The following TUSC3 variants were observed in gnomAD, a reference collection of about 807,000 sequenced individuals.
The protein encoded by TUSC3 is dolichyl-diphosphooligosaccharide--protein glycosyltransferase subunit TUSC3.
In TUSC3, 45 loss-of-function variants were observed where a neutral mutation model predicts 44.8. The ratio of observed to expected loss-of-function variants is 1.00; its 90% confidence interval spans 0.79 to 1.29. TUSC3 has a LOEUF of 1.29. TUSC3 is among the 50% of genes most tolerant of loss of function. The pLI is 0.00. For missense variants in TUSC3, 519 were observed against 437.9 expected, an observed-to-expected ratio of 1.19 and a Z score of -1.65; for synonymous variants, 212 against 152.9, an observed-to-expected ratio of 1.39 and a Z score of -2.85.
chr8:15,512,480 A>G (rs1801150392), intron 2 of TUSC3, among the ~76,000 whole-genome samples: 1 of 152,062 alleles, frequency 6.6e-6, no homozygotes, highest in Admixed American at 6.5e-5. Context: ...TTTAACAATA[A>G]ATGTTTCTCT....
rs537479507 is a variant in TUSC3 at position 15,691,714 on chromosome 8, A to G, written c.798+17878A>G. Among the ~76,000 whole-genome samples the G allele has an allele frequency of 6.6e-5, 10 of 152,280 alleles. No individual in the cohort carries two copies. In the East Asian group the frequency reaches 1.7e-3, roughly 26 times the overall value. ...GTCTAGTTTGTTGAGGGTTTTTAAC[A>G]TGAAGGAATATTGAATTTTTTTTTG... On this transcript the variant is annotated intron_variant, in intron 6 of 10. Coordinates refer to ENST00000503731, the MANE Select transcript of TUSC3 (RefSeq NM_006765.4).
intron 1 of TUSC3, among the ~76,000 whole-genome samples, chr8:15,546,973 C>T (rs1801891627): frequency 6.6e-6 from 1 of 151,556 alleles, no homozygotes; most frequent in South Asian, 2.1e-4. Context: ...GATTTGAAAT[C>T]TGTTATAAAA....
chr8:15,604,752 G>C (rs1804445573), intron 1 of TUSC3, among the ~76,000 whole-genome samples: 1 of 151,800 alleles, frequency 6.6e-6, no homozygotes, highest in African/African-American at 2.4e-5. Flanking sequence ...TTAACTCTCT[G>C]AATATGGTTA....
intron 2 of TUSC3, among the ~76,000 whole-genome samples, chr8:15,512,870 G>GTATATATATA (rs371387088): frequency 0.022 from 2,265 of 101,078 alleles, 92 homozygotes; most frequent in African/African-American, 0.076. Context: ...ATATATGTGT[G>GTATATATATA]TGTATATATA....
intron 1 of TUSC3, among the ~76,000 whole-genome samples, chr8:15,584,737 C>T (rs934800362): frequency 3.3e-5 from 5 of 151,836 alleles, no homozygotes; most frequent in Non-Finnish European, 5.9e-5. Context: ...ATGGAAAATC[C>T]CAGGTAGTGA....
the TUSC3 span, among the ~76,000 whole-genome samples, chr8:15,814,701 T>G: frequency 5.9e-5 from 9 of 152,310 alleles, 1 homozygote; most frequent in East Asian, 7.7e-4. Context: ...GTTTTTCTTT[T>G]GCGCAAATGA....
the TUSC3 span, among the ~76,000 whole-genome samples, chr8:15,797,147 C>T: frequency 6.6e-6 from 1 of 152,160 alleles, no homozygotes; most frequent in Non-Finnish European, 1.5e-5. Context: ...ACTGGTCACT[C>T]AAGATGGAGT....
intron 1 of TUSC3, among the ~76,000 whole-genome samples, chr8:15,460,744 T>C (rs1800334460): frequency 6.6e-6 from 1 of 152,176 alleles, no homozygotes; most frequent in African/African-American, 2.4e-5. Context: ...TTCTCCTACA[T>C]GTGGTTAGAC....
At chr8:15,687,947 A>C (rs34747263) in intron 6 of TUSC3, among the ~76,000 whole-genome samples, 31,877 of 152,134 alleles carry the variant, frequency 0.21, 4,256 homozygotes, top group Non-Finnish European at 0.3. Context: ...TAATATGTCA[A>C]ACTTCATCTA....
intron 2 of TUSC3, among the ~76,000 whole-genome samples, chr8:15,646,970 C>G (rs561547964): frequency 1.6e-3 from 245 of 152,036 alleles, no homozygotes; most frequent in African/African-American, 5.8e-3. Context: ...TGTTCATTAC[C>G]TATGGCTGAT....
intron 1 of TUSC3, among the ~76,000 whole-genome samples, chr8:15,617,947 G>A (rs1467776167): frequency 6.6e-6 from 1 of 152,114 alleles, no homozygotes; most frequent in Non-Finnish European, 1.5e-5. Context: ...AGCTCCTAGG[G>A]TACAAAGCTG....
intron 1 of TUSC3, among the ~76,000 whole-genome samples, chr8:15,563,771 C>T (rs1802568012): frequency 6.7e-6 from 1 of 149,834 alleles, no homozygotes; most frequent in Non-Finnish European, 1.5e-5. Flanking sequence ...GCTCATAGTT[C>T]TTAAATTGCA....
At chr8:15,752,238 T>A (rs879668420) in intron 9 of TUSC3, among the ~76,000 whole-genome samples, 6 of 152,012 alleles carry the variant, frequency 3.9e-5, no homozygotes, top group Non-Finnish European at 8.8e-5. Flanking sequence ...CTGAGGGTAT[T>A]TCATGAGCCG....
the TUSC3 span, among the ~76,000 whole-genome samples, chr8:15,793,980 G>C: frequency 6.6e-6 from 1 of 152,186 alleles, no homozygotes; most frequent in South Asian, 2.1e-4. Flanking sequence ...AGCGCTCCAA[G>C]ATTCTGCCTC....
At chr8:15,760,293 C>A (rs369545152) in intron 10 of TUSC3, among the ~76,000 whole-genome samples, 1 of 152,050 alleles carries the variant, frequency 6.6e-6, no homozygotes, top group East Asian at 1.9e-4. Context: ...ATATTTTGAA[C>A]CTTGGGAATT....
At chr8:15,567,190 A>T (rs1208585847) in intron 1 of TUSC3, among the ~76,000 whole-genome samples, 2 of 152,136 alleles carry the variant, frequency 1.3e-5, no homozygotes, top group Non-Finnish European at 2.9e-5. Context: ...ATTCCTTTTA[A>T]TGAAGGAACT....
chr8:15,728,431 T>G (rs1182933183), intron 6 of TUSC3, among the ~76,000 whole-genome samples: 1 of 150,882 alleles, frequency 6.6e-6, no homozygotes. Flanking sequence ...CAACAGTATT[T>G]TCTGAATGAT....
the TUSC3 span, among the ~76,000 whole-genome samples, chr8:15,791,275 C>A: frequency 1.6e-5 from 2 of 128,762 alleles, no homozygotes; most frequent in Non-Finnish European, 3.4e-5. Context: ...TAGCGCCCCC[C>A]CCAACCCACG....
chr8:15,489,784 G>T (rs546905597), intron 2 of TUSC3, among the ~76,000 whole-genome samples: 11 of 152,148 alleles, frequency 7.2e-5, no homozygotes, highest in Non-Finnish European at 5.9e-5. Flanking sequence ...TCTTCCCATC[G>T]TGGCCTAAAA....
Sources: gnomAD v4.1 joint callset for allele counts (sites outside exome capture counted in the v4.1 genomes callset) on GRCh38, gnomAD v4.1.1 for gene constraint, MANE v1.5 for transcripts, NCBI Gene and HGNC (gene_info 2026-07-23, HGNC 2026-07-21) for gene names.